Variants in ERICH2 observed in about 807,000 individuals in gnomAD.
ERICH2 encodes the protein glutamate rich 2.
Under a neutral mutation model 17.4 loss-of-function variants are expected in ERICH2, and 17 were observed. The observed-to-expected ratio is 0.98, with a 90% confidence interval of 0.67 to 1.47. ERICH2 has a LOEUF of 1.47. ERICH2 is among the 40% of genes most tolerant of loss of function. The probability of loss-of-function intolerance (pLI) is 0.00; values close to 1 mark genes in which losing one functional copy is unlikely to be tolerated. For missense variants in ERICH2, 186 were observed against 183.2 expected (o/e 1.01, Z -0.09); for synonymous variants, 51 against 61.1 (o/e 0.83, Z 0.77).
exon 5 of ERICH2, chr2:170,798,790 C>G: frequency 6.4e-7 from 1 of 1,550,596 alleles, no homozygotes; most frequent in Admixed American, 2.0e-5. Context: ...GAATCATGAG[C>G]AAGACGGTGA....
At chr2:170,771,952 C>T in the ERICH2 span, among the ~76,000 whole-genome samples, 2 of 152,058 alleles carry the variant, frequency 1.3e-5, no homozygotes, top group African/African-American at 4.8e-5. The surrounding 1 kb of genome is among the most constrained non-coding windows in gnomAD (Gnocchi z 4.8). Context: ...AAAAGGACAC[C>T]GGAAATGTCT....
At chr2:170,776,283 TTAAA>T in the ERICH2 span, among the ~76,000 whole-genome samples, 4 of 152,228 alleles carry the variant, frequency 2.6e-5, no homozygotes, top group Admixed American at 6.5e-5. Context: ...ATGTATTTGT[TTAAA>T]TAATACTTTA....
chr2:170,792,955 C>T, intron 3 of ERICH2, 35 bp downstream of exon 8: 2 of 1,299,866 alleles, frequency 1.5e-6, no homozygotes, highest in Middle Eastern at 1.9e-4. Flanking sequence ...TTCTAATCTT[C>T]TCTTTGTTTT....
intron 3 of ERICH2, among the ~76,000 whole-genome samples, chr2:170,795,188 G>A (rs1252279007): frequency 6.6e-6 from 1 of 152,008 alleles, no homozygotes; most frequent in Admixed American, 6.6e-5. Flanking sequence ...ATATTCTCCA[G>A]GCTGGTCTTG....
At chr2:170,784,955 A>C (rs938927863) in intron 2 of ERICH2, 122 bp downstream of exon 7, 1 of 798,166 alleles carries the variant, frequency 1.3e-6, no homozygotes, top group Admixed American at 3.7e-5. Flanking sequence ...CAGAACATAG[A>C]ATGGTGGTTA....
chr2:170,772,698 T>C, the ERICH2 span, among the ~76,000 whole-genome samples: 1 of 152,254 alleles, frequency 6.6e-6, no homozygotes, highest in African/African-American at 2.4e-5. Context: ...GAAATATTGT[T>C]CCTGCATCAT....
chr2:170,789,301 T>A (rs1013167665), intron 2 of ERICH2, among the ~76,000 whole-genome samples: 3 of 152,048 alleles, frequency 2.0e-5, no homozygotes, highest in Non-Finnish European at 4.4e-5. Flanking sequence ...TTGAAATTGG[T>A]TGTAGACATC....
chr2:170,774,075 A>G, the ERICH2 span, among the ~76,000 whole-genome samples: 1 of 152,238 alleles, frequency 6.6e-6, no homozygotes, highest in Non-Finnish European at 1.5e-5. Context: ...TGGAACTATC[A>G]TAAACTGTGC....
At chr2:170,785,129 A>G (rs1302155913) in intron 2 of ERICH2, among the ~76,000 whole-genome samples, 1 of 152,174 alleles carries the variant, frequency 6.6e-6, no homozygotes, top group Non-Finnish European at 1.5e-5. Context: ...AAATTGTAAT[A>G]TTCCCAGCAC....
the ERICH2 span, among the ~76,000 whole-genome samples, chr2:170,772,053 A>C: frequency 6.6e-6 from 1 of 152,240 alleles, no homozygotes; most frequent in Admixed American, 6.5e-5. Context: ...TGTGAATTGA[A>C]ATAGTTTTGG....
chr2:170,781,683 T>C (rs1701033645), upstream of ERICH2, among the ~76,000 whole-genome samples: 2 of 151,932 alleles, frequency 1.3e-5, no homozygotes, highest in African/African-American at 2.4e-5. Flanking sequence ...CATAGGGTGC[T>C]GTCTTTGTGA....
intron 2 of ERICH2, among the ~76,000 whole-genome samples, chr2:170,791,868 ACTT>A (rs1420175750): frequency 6.6e-6 from 1 of 152,144 alleles, no homozygotes; most frequent in Admixed American, 6.5e-5. Flanking sequence ...GTAGAGAACT[ACTT>A]CTGAAAACAG....
chr2:170,777,419 C>T, the ERICH2 span: 2 of 1,190,938 alleles, frequency 1.7e-6, no homozygotes, highest in Non-Finnish European at 2.1e-6. Flanking sequence ...AATGTTTGAT[C>T]CAAACGGTAA....
At chr2:170,777,445 G>A in the ERICH2 span, 1 of 1,211,226 alleles carries the variant, frequency 8.3e-7, no homozygotes, top group Non-Finnish European at 1.0e-6. Context: ...TTATTACTTT[G>A]AAAGAATATG....
chr2:170,789,752 T>C (rs73021475), intron 2 of ERICH2, among the ~76,000 whole-genome samples: 31 of 152,256 alleles, frequency 2.0e-4, no homozygotes, highest in African/African-American at 7.2e-4. Context: ...CCATACTTCT[T>C]TTCTTTTTCT....
chr2:170,786,974 A>C lies in ERICH2; in HGVS notation c.216+2141A>C, dbSNP rs115018172. Among the ~76,000 whole-genome samples, 333 of 151,958 alleles carry C rather than the reference A, an allele frequency of 2.2e-3. 3 individuals are homozygous for C. The highest frequency in any genetic ancestry group is 7.3e-3 in the African/African-American group (301 of 41,438). ...CTTTGTTAATTCTAGGTCAGTTTCT[A>C]CTGATTGTTTTCTCCTGCTTATGGG... is the stretch of plus-strand genomic sequence containing the variant. On this transcript the variant is annotated intron_variant, in intron 2 of 4. Coordinates refer to ENST00000409885, the Ensembl canonical transcript of ERICH2.
intron 2 of ERICH2, among the ~76,000 whole-genome samples, chr2:170,785,113 A>T (rs1701126964): frequency 6.6e-6 from 1 of 152,154 alleles, no homozygotes; most frequent in African/African-American, 2.4e-5. Context: ...TTTAGCCAGA[A>T]GAGAAAAATT....
upstream of ERICH2, among the ~76,000 whole-genome samples, chr2:170,780,647 CAT>C (rs1491121898): frequency 6.6e-6 from 1 of 152,112 alleles, no homozygotes; most frequent in East Asian, 1.9e-4. Flanking sequence ...CTAAAGCACA[CAT>C]TTTTTTCATA....
intron 2 of ERICH2, among the ~76,000 whole-genome samples, chr2:170,788,993 GCT>G (rs1274463981): frequency 1.3e-5 from 2 of 150,772 alleles, no homozygotes; most frequent in South Asian, 2.1e-4. Context: ...ACAGAGTATT[GCT>G]CTGTCACCCA....
Sources: allele counts gnomAD v4.1 joint callset (sites outside exome capture counted in the v4.1 genomes callset), GRCh38; gene constraint gnomAD v4.1.1; non-coding constraint Gnocchi (gnomAD v3.1); transcripts MANE v1.5; gene names NCBI Gene and HGNC (gene_info 2026-07-23, HGNC 2026-07-21).